Variants in URGCP observed in about 807,000 individuals in gnomAD.
The protein encoded by URGCP is upregulator of cell proliferation, also known as up-regulator of cell proliferation.
URGCP carries 13 observed loss-of-function variants against 24.6 expected under a neutral mutation model. That is an observed-to-expected ratio of 0.53 (90% CI 0.34 to 0.84). URGCP has a LOEUF of 0.84. Among genes scored for constraint, URGCP ranks in the 40% least tolerant of loss-of-function variants. The pLI, the probability that URGCP is intolerant of heterozygous loss-of-function variation, is 0.01. For missense variants in URGCP, 899 were observed against 1,194.3 expected, an observed-to-expected ratio of 0.75 and a Z score of 3.64; for synonymous variants, 444 against 487.2, an observed-to-expected ratio of 0.91 and a Z score of 1.17.
chr7:43,882,007 A>ATTTT, intron 3 of URGCP, 50 bp from the exon 4 acceptor site: 1 of 1,612,280 alleles, frequency 6.2e-7, no homozygotes, highest in Non-Finnish European at 8.5e-7. Context: ...GCAAGTTAGA[A>ATTTT]CCTTTCTGTC....
intron 1 of URGCP, among the ~76,000 whole-genome samples, chr7:43,893,272 G>A (rs554401439): frequency 2.6e-5 from 4 of 152,178 alleles, no homozygotes; most frequent in African/African-American, 9.6e-5. Flanking sequence ...CAAGGCTGCA[G>A]TGAACCATGA....
Position 43,877,645 on chromosome 7 carries a change from G to A in URGCP, c.1818C>T (p.Leu606=). ...GTTCCACCCCTAGGGGCTCAGGCCAGAGCGGCTCCCCCACGTCTGTGGTGC... is the reference window on the plus strand; with the variant it reads ...GTTCCACCCCTAGGGGCTCAGGCCAAAGCGGCTCCCCCACGTCTGTGGTGC... ...HGGTTDVGEP[L]WPEPLGVEHF... The change falls in exon 6 of 6, where the codon CTC becomes CTT. Residue 606 remains leucine (L), a synonymous_variant. Transcript: ENST00000453200. The A allele has an allele frequency of 6.2e-7, 1 of 1,614,162 alleles. No individual in the cohort carries two copies. The highest frequency in any genetic ancestry group is 8.5e-7 in the Non-Finnish European group (1 of 1,180,036).
At chr7:43,906,416 G>A (rs1261232628) in intron 1 of URGCP, 146 bp downstream of exon 1, 8 of 916,524 alleles carry the variant, frequency 8.7e-6, no homozygotes, top group Admixed American at 1.2e-4. Context: ...CGGGCCGTGG[G>A]CCTGGTGGGC....
At chr7:43,895,223 AT>A (rs1289947618) in intron 1 of URGCP, among the ~76,000 whole-genome samples, 1 of 152,220 alleles carries the variant, frequency 6.6e-6, no homozygotes, top group Non-Finnish European at 1.5e-5. Context: ...AAAAATAATA[AT>A]TTGACTGAAA....
chr7:43,911,155 CTT>C (rs1443580738), upstream of URGCP, among the ~76,000 whole-genome samples: 2 of 152,182 alleles, frequency 1.3e-5, no homozygotes, highest in African/African-American at 2.4e-5. Context: ...AATCCCAGCA[CTT>C]TGTGAAGCCA....
intron 5 of URGCP, among the ~76,000 whole-genome samples, chr7:43,880,857 G>C (rs963272775): frequency 2.6e-5 from 4 of 152,170 alleles, no homozygotes; most frequent in Non-Finnish European, 5.9e-5. Context: ...ACCATGAAAG[G>C]AAACACTGGG....
chr7:43,887,939 A>G (rs1477392019), intron 1 of URGCP, 123 bp from the exon 2 acceptor site: 3 of 624,446 alleles, frequency 4.8e-6, no homozygotes, highest in Non-Finnish European at 8.3e-6. Context: ...TTCTGCAGCC[A>G]TTAAAAAATA....
intron 1 of URGCP, among the ~76,000 whole-genome samples, chr7:43,917,410 G>A (rs1375762422): frequency 5.3e-5 from 8 of 152,194 alleles, no homozygotes; most frequent in Non-Finnish European, 1.5e-5. Flanking sequence ...GTTGAAGCAA[G>A]CCCAGCAAAC....
intron 3 of URGCP, among the ~76,000 whole-genome samples, chr7:43,883,421 C>T (rs1249589272): frequency 1.4e-5 from 2 of 139,826 alleles, no homozygotes; most frequent in African/African-American, 5.4e-5. Context: ...AGCGCAGTGG[C>T]GCGATCTCAG....
chr7:43,913,785 G>A (rs7810977), intron 1 of URGCP, among the ~76,000 whole-genome samples: 2,527 of 150,954 alleles, frequency 0.017, 63 homozygotes, highest in African/African-American at 0.058. Context: ...TGCAACCTCC[G>A]CCTCCCTAGT....
intron 1 of URGCP, among the ~76,000 whole-genome samples, chr7:43,924,272 C>CACTAA (rs768831548): frequency 7.9e-5 from 12 of 152,086 alleles, no homozygotes; most frequent in Non-Finnish European, 1.3e-4. Flanking sequence ...GAAAACTATG[C>CACTAA]ACTAAACTAC....
At chr7:43,923,507 C>T (rs559368348) in intron 1 of URGCP, among the ~76,000 whole-genome samples, 4 of 152,264 alleles carry the variant, frequency 2.6e-5, no homozygotes, top group South Asian at 4.1e-4. Context: ...AATCTGGTCT[C>T]AAACTCCTGG....
At chr7:43,902,432 C>G (rs768425099) in intron 1 of URGCP, among the ~76,000 whole-genome samples, 1 of 152,150 alleles carries the variant, frequency 6.6e-6, no homozygotes, top group East Asian at 1.9e-4. Context: ...ATTCTGTGTC[C>G]GAGCTCCTCC....
rs1228116622 is a variant in URGCP at position 43,877,280 on chromosome 7, G to A, written c.2183C>T (p.Ala728Val). 2 of 1,613,848 alleles carry A rather than the reference G, an allele frequency of 1.2e-6. No individual in the cohort carries two copies. The highest frequency in any genetic ancestry group is 1.3e-5 in the African/African-American group (1 of 75,054). Residue 728 changes from alanine (A) to valine (V), a missense_variant, in exon 6 of 6, where the codon GCC becomes GTC. Physicochemically the swap from Ala to Val is moderately conservative, Grantham distance 64. Coordinates refer to ENST00000453200, the MANE Select transcript of URGCP (RefSeq NM_001077663.3). ...AGCCACTGTGATGAGCTGCATGAAG[G>A]CCCCTCGAGGACCGCAGCTCTTCCC... Reference protein sequence around the residue: ...ATGKSCGPRGAFMQLITVAEG... With the variant: ...ATGKSCGPRGVFMQLITVAEG...
At chr7:43,906,198 C>T (rs1258992264) in intron 1 of URGCP, 1 of 152,040 alleles carries the variant, frequency 6.6e-6, no homozygotes, top group Non-Finnish European at 1.5e-5. Flanking sequence ...TGCCCCGGGC[C>T]GCGGCGAGGA....
Position 43,878,227 on chromosome 7 carries a change from G to C in URGCP, c.1236C>G (p.His412Gln). 2 of 1,614,228 alleles carry C rather than the reference G, an allele frequency of 1.2e-6. No individual in the cohort carries two copies. The stretch of plus-strand genomic sequence containing the variant: ...TGCTGACCTTTACCAGGACATGTGA[G>C]TGGTCTATTTTCAGCACAGGAATTA... ...NKLIPVLKID[H>Q]SHVLVKVSST... Residue 412 changes from histidine (H) to glutamine (Q), a missense_variant, in exon 6 of 6, where the codon CAC (histidine) becomes CAG (glutamine). By Grantham distance (24) the His-to-Gln change is conservative. Coordinates refer to ENST00000453200, the MANE Select transcript of URGCP (RefSeq NM_001077663.3). The surrounding 1 kb of genome is among the most constrained non-coding windows in gnomAD (Gnocchi z 5.6).
chr7:43,920,072 AG>A, intron 1 of URGCP: 1 of 1,269,204 alleles, frequency 7.9e-7, no homozygotes, highest in Non-Finnish European at 1.1e-6. Context: ...CCCCTAGGAC[AG>A]GGACCCTCAT....
chr7:43,886,392 T>A (rs2095862164), intron 3 of URGCP, among the ~76,000 whole-genome samples: 1 of 152,202 alleles, frequency 6.6e-6, no homozygotes, highest in South Asian at 2.1e-4. Flanking sequence ...TTTTGGCAGT[T>A]AAAACATAGT....
intron 1 of URGCP, among the ~76,000 whole-genome samples, chr7:43,922,325 G>A (rs1042172059): frequency 2.5e-4 from 38 of 152,270 alleles, no homozygotes; most frequent in African/African-American, 8.7e-4. Context: ...GCCTCCCAAA[G>A]TGCTAGGATT....
Sources: allele counts gnomAD v4.1 joint callset (sites outside exome capture counted in the v4.1 genomes callset), GRCh38; gene constraint gnomAD v4.1.1; non-coding constraint Gnocchi (gnomAD v3.1); transcripts MANE v1.5; gene names NCBI Gene and HGNC (gene_info 2026-07-23, HGNC 2026-07-21).